OSBPL8: variants seen among roughly 807,000 people sequenced by gnomAD.
OSBPL8 encodes oxysterol-binding protein-related protein 8.
In OSBPL8, 59 loss-of-function variants were observed where a neutral mutation model predicts 125.5. The ratio of observed to expected loss-of-function variants is 0.47; its 90% CI spans 0.38 to 0.58. OSBPL8 has a LOEUF of 0.58. Ranked by LOEUF, OSBPL8 falls within the 20% of genes least tolerant of loss-of-function variation. The probability of loss-of-function intolerance (pLI) is 0.00; values close to 1 mark genes in which losing one functional copy is unlikely to be tolerated. For synonymous variants in OSBPL8, 330 were observed against 338.9 expected, an observed-to-expected ratio of 0.97 and a Z score of 0.29; for missense variants, 758 against 1,047.8, an observed-to-expected ratio of 0.72 and a Z score of 3.82.
At chr12:76,438,823 T>G (rs969251201) in intron 4 of OSBPL8, among the ~76,000 whole-genome samples, 2 of 152,222 alleles carry the variant, frequency 1.3e-5, no homozygotes, top group Non-Finnish European at 2.9e-5. Context: ...ACAACCCTGA[T>G]GTGAGTACAA....
chr12:76,446,606 C>T (rs1872747769), intron 4 of OSBPL8, among the ~76,000 whole-genome samples: 2 of 152,072 alleles, frequency 1.3e-5, no homozygotes, highest in African/African-American at 4.8e-5. Flanking sequence ...CTAAAAGATA[C>T]TGAAGTATAG....
At chr12:76,451,436 T>C (rs1428353341) in intron 3 of OSBPL8, among the ~76,000 whole-genome samples, 1 of 152,186 alleles carries the variant, frequency 6.6e-6, no homozygotes, top group East Asian at 1.9e-4. Context: ...AAAATAATAT[T>C]TGACATTCGC....
chr12:76,377,108 T>C (rs1011196885), intron 16 of OSBPL8, among the ~76,000 whole-genome samples: 1 of 152,186 alleles, frequency 6.6e-6, no homozygotes, highest in Non-Finnish European at 1.5e-5. Context: ...CATAAACTCA[T>C]CCTTTTTTAT....
intron 3 of OSBPL8, among the ~76,000 whole-genome samples, chr12:76,452,860 A>C (rs1404577558): frequency 6.6e-6 from 1 of 152,100 alleles, no homozygotes; most frequent in Non-Finnish European, 1.5e-5. Context: ...TTCTACCTGG[A>C]ATATTCCTAC....
chr12:76,524,222 C>A (rs1476932088), intron 1 of OSBPL8, among the ~76,000 whole-genome samples: 2 of 152,018 alleles, frequency 1.3e-5, no homozygotes, highest in East Asian at 3.8e-4. Context: ...CAAACTATAA[C>A]CCTAAATTAA....
Position 76,419,654 on chromosome 12 carries a change from A to G in OSBPL8, c.218-9020T>C, listed in dbSNP as rs1869220230. On this transcript the variant is annotated intron_variant, in intron 4 of 23. Coordinates refer to ENST00000261183, the MANE Select transcript of OSBPL8 (RefSeq NM_020841.5). ...TCTCTTCATATAAAAAGAAAAAAAC[A>G]TAGTAATGAGTTTCAGAAATGTTTT... is the stretch of plus-strand genomic sequence containing the variant. 3.9e-5 allele frequency among the ~76,000 whole-genome samples: 6 copies of G among 152,332 alleles called. No individual in the cohort carries two copies. In the South Asian group the frequency reaches 1.2e-3, roughly 32 times the overall value.
Position 76,354,608 on chromosome 12 carries a change from A to G in OSBPL8, c.*1281T>C, listed in dbSNP as rs1374895106. On this transcript the variant is annotated 3_prime_UTR_variant, in exon 24 of 24. Coordinates refer to ENST00000261183, the MANE Select transcript of OSBPL8 (RefSeq NM_020841.5). ...TTTAGAACAACATATTCCTAAACTG[A>G]ACTACCTTGGCAAAAATTGCTTTCA... 1 of 151,994 alleles carries G rather than the reference A, an allele frequency of 6.6e-6. No individual in the cohort carries two copies. The highest frequency in any genetic ancestry group is 1.5e-5 in the Non-Finnish European group (1 of 67,860). 9.4% of individuals were successfully genotyped at this position (151,994 alleles called of 1,614,324 possible).
intron 1 of OSBPL8, among the ~76,000 whole-genome samples, chr12:76,496,169 A>ATTT (rs58179119): frequency 8.1e-5 from 12 of 148,638 alleles, no homozygotes; most frequent in African/African-American, 2.7e-4. Context: ...TGTCTGTAGT[A>ATTT]TTTTTTTTTT....
chr12:76,484,449 GTTATAA>G (rs1265282034), intron 2 of OSBPL8, among the ~76,000 whole-genome samples: 1 of 152,120 alleles, frequency 6.6e-6, no homozygotes, highest in Admixed American at 6.5e-5. Flanking sequence ...AATATTAATA[GTTATAA>G]TAACAATAAA....
chr12:76,487,473 C>G, intron 2 of OSBPL8, 37 bp downstream of exon 2: 2 of 1,546,020 alleles, frequency 1.3e-6, no homozygotes, highest in South Asian at 1.2e-5. Flanking sequence ...TTCACAGTTA[C>G]AGATGATAGA....
chr12:76,355,763 C>T lies in OSBPL8; in HGVS notation c.*126G>A, dbSNP rs528579695. On this transcript the variant is annotated 3_prime_UTR_variant, in exon 24 of 24. Transcript: ENST00000261183. Reference sequence around the variant, plus strand: ...AAGATACGAAAAGTCAATACCTCTACATTTATCTCCTAGGTTTTTTTGTTT... The same window carrying T: ...AAGATACGAAAAGTCAATACCTCTATATTTATCTCCTAGGTTTTTTTGTTT... The T allele has an allele frequency of 3.9e-6, 4 of 1,033,410 alleles. No individual in the cohort carries two copies. The African/African-American group carries it at 4.9e-5, about 13-fold the overall frequency. 64.0% of individuals were successfully genotyped at this position (1,033,410 alleles called of 1,614,324 possible).
At chr12:76,450,213 TGGG>T (rs968168837) in intron 4 of OSBPL8, among the ~76,000 whole-genome samples, 1 of 152,196 alleles carries the variant, frequency 6.6e-6, no homozygotes, top group Non-Finnish European at 1.5e-5. Context: ...TGACATTTTC[TGGG>T]TAGAGGCCAG....
chr12:76,394,461 C>T (rs552070838), intron 9 of OSBPL8, among the ~76,000 whole-genome samples, 184 bp downstream of exon 9: 7 of 152,140 alleles, frequency 4.6e-5, no homozygotes, highest in Non-Finnish European at 8.8e-5. Context: ...ACAATGCTTC[C>T]TTTCTATCAG....
At chr12:76,416,151 T>C (rs973433492) in intron 4 of OSBPL8, among the ~76,000 whole-genome samples, 1 of 152,094 alleles carries the variant, frequency 6.6e-6, no homozygotes, top group Non-Finnish European at 1.5e-5. Flanking sequence ...CCAATTCCTA[T>C]TTTGATTTCT....
intron 22 of OSBPL8, among the ~76,000 whole-genome samples, chr12:76,357,424 C>G (rs777896954): frequency 3.9e-5 from 6 of 152,074 alleles, no homozygotes; most frequent in Non-Finnish European, 7.4e-5. Flanking sequence ...GCCAAAAAAT[C>G]TGCATATATA....
intron 3 of OSBPL8, among the ~76,000 whole-genome samples, chr12:76,459,325 T>C (rs570531720): frequency 1.7e-4 from 26 of 152,286 alleles, no homozygotes; most frequent in Middle Eastern, 3.4e-3. Flanking sequence ...TGGCTGCCAC[T>C]CCCTGCCCCA....
At chr12:76,554,407 T>G (rs1015220140) in intron 1 of OSBPL8, among the ~76,000 whole-genome samples, 1 of 152,220 alleles carries the variant, frequency 6.6e-6, no homozygotes, top group Non-Finnish European at 1.5e-5. Flanking sequence ...GTTAAAAGGA[T>G]AGGCTCCAAA....
chr12:76,530,665 T>G (rs1413963938), intron 1 of OSBPL8, among the ~76,000 whole-genome samples: 1 of 152,154 alleles, frequency 6.6e-6, no homozygotes, highest in South Asian at 2.1e-4. Context: ...TTTTGTTCAG[T>G]GAGGTATTCC....
In OSBPL8 at chr12:76,515,454, C is replaced by T. The variant is rs1056859875; in HGVS notation, c.-67-27836G>A. On this transcript the variant is annotated intron_variant, in intron 1 of 23. Coordinates refer to ENST00000261183, the MANE Select transcript of OSBPL8 (RefSeq NM_020841.5). The stretch of plus-strand genomic sequence containing the variant: ...TTTTTGGTGTTGAAGTTGTGGACTG[C>T]GATCCAGCAGGTGGCACTCAGGTGT... Among the ~76,000 whole-genome samples, 6 of 152,262 alleles carry T rather than the reference C, an allele frequency of 3.9e-5. No homozygotes were observed. In the South Asian group the frequency reaches 6.2e-4, roughly 16 times the overall value.
Sources: gnomAD v4.1 joint callset for allele counts (sites outside exome capture counted in the v4.1 genomes callset) on GRCh38, gnomAD v4.1.1 for gene constraint, MANE v1.5 for transcripts, NCBI Gene and HGNC (gene_info 2026-07-23, HGNC 2026-07-21) for gene names.